KHDRBS2: variants seen among roughly 807,000 people sequenced by gnomAD.
KHDRBS2 encodes the protein KH RNA binding domain containing, signal transduction associated 2.
Under a neutral mutation model 44.3 loss-of-function variants are expected in KHDRBS2, and 26 were observed. The observed-to-expected ratio is 0.59, with a 90% CI of 0.43 to 0.81. The LOEUF (loss-of-function observed/expected upper bound fraction) is 0.81. Ranked by LOEUF, KHDRBS2 falls within the 40% of genes least tolerant of loss-of-function variation. KHDRBS2 has a pLI of 0.00. For synonymous variants in KHDRBS2, 194 were observed against 151.1 expected (o/e 1.28, Z -2.08); for missense variants, 476 against 433.1 (o/e 1.10, Z -0.88).
the KHDRBS2 span, among the ~76,000 whole-genome samples, chr6:61,574,131 G>T: frequency 1.3e-5 from 2 of 152,088 alleles, no homozygotes; most frequent in Non-Finnish European, 2.9e-5. Context: ...CCCAACACAG[G>T]CATGCCCACA....
At chr6:61,829,822 TG>T (rs778125131) in intron 6 of KHDRBS2, among the ~76,000 whole-genome samples, 1 of 152,116 alleles carries the variant, frequency 6.6e-6, no homozygotes, top group Admixed American at 6.6e-5. Context: ...ACCCATAGTC[TG>T]GGACCCAGAG....
At chr6:62,144,438 C>T (rs1562952701) in intron 2 of KHDRBS2, among the ~76,000 whole-genome samples, 1 of 151,888 alleles carries the variant, frequency 6.6e-6, no homozygotes, top group African/African-American at 2.4e-5. Flanking sequence ...TTCCTAACCT[C>T]ATGTTTTTTT....
intron 1 of KHDRBS2, among the ~76,000 whole-genome samples, chr6:62,262,996 C>A (rs1056507863): frequency 2.6e-5 from 4 of 151,600 alleles, no homozygotes; most frequent in African/African-American, 7.3e-5. Flanking sequence ...GGCAAGCAAG[C>A]AAAAAGCAAG....
intron 4 of KHDRBS2, among the ~76,000 whole-genome samples, chr6:61,957,887 T>C (rs1032155843): frequency 6.6e-6 from 1 of 152,166 alleles, no homozygotes; most frequent in African/African-American, 2.4e-5. Context: ...TGGAACCTGC[T>C]GACATGTGAT....
intron 1 of KHDRBS2, among the ~76,000 whole-genome samples, chr6:62,239,684 T>G (rs1834277872): frequency 6.6e-6 from 1 of 152,050 alleles, no homozygotes; most frequent in Non-Finnish European, 1.5e-5. Flanking sequence ...AACTATTTAT[T>G]TATTTATTTA....
intron 6 of KHDRBS2, among the ~76,000 whole-genome samples, chr6:61,884,191 A>T (rs1800593905): frequency 6.6e-6 from 1 of 152,076 alleles, no homozygotes; most frequent in Non-Finnish European, 1.5e-5. Context: ...TTGTTACTGG[A>T]AGGATGCCTC....
At chr6:61,776,310 G>C (rs1424096878) in intron 6 of KHDRBS2, among the ~76,000 whole-genome samples, 1 of 152,108 alleles carries the variant, frequency 6.6e-6, no homozygotes, top group Non-Finnish European at 1.5e-5. Flanking sequence ...TTAAACTAAA[G>C]AGCCTCTGCA....
At chr6:62,153,796 T>A (rs1815754081) in intron 2 of KHDRBS2, among the ~76,000 whole-genome samples, 1 of 152,288 alleles carries the variant, frequency 6.6e-6, no homozygotes, top group African/African-American at 2.4e-5. Context: ...AGCATGTATA[T>A]AGTCTAAGGG....
chr6:61,767,044 A>G (rs1780115980), intron 6 of KHDRBS2, among the ~76,000 whole-genome samples: 1 of 152,042 alleles, frequency 6.6e-6, no homozygotes, highest in South Asian at 2.1e-4. Flanking sequence ...CCAATGCTGA[A>G]AATAGGGTGT....
chr6:62,272,484 C>T (rs1840249694), intron 1 of KHDRBS2, among the ~76,000 whole-genome samples: 1 of 152,118 alleles, frequency 6.6e-6, no homozygotes, highest in South Asian at 2.1e-4. Context: ...AAGAGAAATG[C>T]TCACATTACA....
intron 6 of KHDRBS2, among the ~76,000 whole-genome samples, chr6:61,772,770 C>G (rs535730443): frequency 6.6e-6 from 1 of 152,018 alleles, no homozygotes; most frequent in Non-Finnish European, 1.5e-5. Flanking sequence ...AGGTATATCT[C>G]CTAAAGCTAT....
At chr6:61,695,107 C>T (rs989351794) in intron 8 of KHDRBS2, among the ~76,000 whole-genome samples, 6 of 151,984 alleles carry the variant, frequency 3.9e-5, no homozygotes, top group Admixed American at 6.6e-5. Flanking sequence ...TTAGGAAGGA[C>T]GATTTAGGAT....
intron 6 of KHDRBS2, among the ~76,000 whole-genome samples, chr6:61,768,293 T>C (rs1780305892): frequency 6.6e-6 from 1 of 152,168 alleles, no homozygotes; most frequent in Non-Finnish European, 1.5e-5. Context: ...TTCTTTATCC[T>C]TGATCTTTGG....
intron 2 of KHDRBS2, among the ~76,000 whole-genome samples, chr6:62,137,563 T>C (rs561190804): frequency 9.3e-4 from 142 of 152,318 alleles, no homozygotes; most frequent in Non-Finnish European, 1.5e-3. Flanking sequence ...TTGGTCTTAG[T>C]ATTAGTGAAC....
At chr6:61,616,470 C>CATATAT in the KHDRBS2 span, among the ~76,000 whole-genome samples, 133 of 145,086 alleles carry the variant, frequency 9.2e-4, no homozygotes, top group Middle Eastern at 3.6e-3. Flanking sequence ...AAAGAATATA[C>CATATAT]ATATATATAT....
At chr6:62,039,745 A>T (rs1465805587) in intron 3 of KHDRBS2, among the ~76,000 whole-genome samples, 1 of 152,118 alleles carries the variant, frequency 6.6e-6, no homozygotes, top group African/African-American at 2.4e-5. Flanking sequence ...AAATGTTCAA[A>T]AGGAGGAACT....
intron 6 of KHDRBS2, among the ~76,000 whole-genome samples, chr6:61,780,252 G>A (rs1373157942): frequency 6.6e-6 from 1 of 152,148 alleles, no homozygotes; most frequent in Non-Finnish European, 1.5e-5. Flanking sequence ...TGTAATCCCA[G>A]CACTTTGGGA....
intron 4 of KHDRBS2, among the ~76,000 whole-genome samples, chr6:61,956,011 G>C (rs1035500938): frequency 6.6e-6 from 1 of 151,948 alleles, no homozygotes; most frequent in Non-Finnish European, 1.5e-5. Context: ...TGGCCAACAT[G>C]GTGAAACCCC....
intron 6 of KHDRBS2, among the ~76,000 whole-genome samples, chr6:61,795,478 T>TAAA (rs58559963): frequency 4.5e-4 from 66 of 147,534 alleles, no homozygotes; most frequent in African/African-American, 1.6e-3. Flanking sequence ...TTGCACATCT[T>TAAA]AAAAAAAAAA....
Sources: gnomAD v4.1 joint callset for allele counts (sites outside exome capture counted in the v4.1 genomes callset) on GRCh38, gnomAD v4.1.1 for gene constraint, MANE v1.5 for transcripts, NCBI Gene and HGNC (gene_info 2026-07-23, HGNC 2026-07-21) for gene names.